Variants in CYP4F22 observed in about 807,000 individuals in gnomAD.
CYP4F22 encodes the protein ultra-long-chain fatty acid omega-hydroxylase.
A neutral mutation model predicts 60.4 loss-of-function variants in CYP4F22; 37 were observed. The ratio of observed to expected loss-of-function variants is 0.61; its 90% CI spans 0.47 to 0.81. The LOEUF (loss-of-function observed/expected upper bound fraction) is 0.81, where lower values mean the gene tolerates loss of function less well. CYP4F22 is among the 30% of genes least tolerant of loss of function. The pLI, the probability that CYP4F22 is intolerant of heterozygous loss-of-function variation, is 0.00. For synonymous variants in CYP4F22, 258 were observed against 280.5 expected, an observed-to-expected ratio of 0.92 and a Z score of 0.80; for missense variants, 655 against 715.0, an observed-to-expected ratio of 0.92 and a Z score of 0.96.
rs1971607233 is a variant in CYP4F22, at chr19:15,552,175, C to G, written c.*704C>G. 6.6e-6 allele frequency: 1 copy of G among 152,232 alleles called. No individual in the cohort carries two copies. The highest frequency in any genetic ancestry group is 1.5e-5 in the Non-Finnish European group (1 of 68,082). The allele number at this position is 152,232 out of a possible 1,614,324, so 9.4% of individuals were successfully genotyped here. A position where few individuals can be genotyped will look rare whatever the true frequency, so the allele number is the denominator to read the frequency against. ...AAAAGCAAAGGATGCAGACTTACCC[C>G]ACCCTCCACCCCTAGCTCAGCCAGA... On this transcript the variant is annotated 3_prime_UTR_variant, in exon 14 of 14. Coordinates refer to ENST00000269703, the MANE Select transcript of CYP4F22 (RefSeq NM_173483.4).
chr19:15,541,878 A>AAG, intron 8 of CYP4F22, among the ~76,000 whole-genome samples: 1 of 150,572 alleles, frequency 6.6e-6, no homozygotes, highest in African/African-American at 2.4e-5. Context: ...AAAAAAAAAA[A>AAG]AAAAAGAAAA....
chr19:15,551,444 G>A lies in CYP4F22; in HGVS notation c.1569G>A (p.Lys523=). ...GCACGGAGAACGGGCTCTGGCTCAA[G>A]GTGGAGCCGCTGCCTCCGCGGGCCT... is the stretch of plus-strand genomic sequence containing the variant. ...ILRTENGLWL[K]VEPLPPRA The change falls in exon 14 of 14, where the codon AAG becomes AAA. Residue 523 remains lysine, a synonymous_variant. Coordinates refer to ENST00000269703, the MANE Select transcript of CYP4F22 (RefSeq NM_173483.4). The A allele has an allele frequency of 6.4e-7, 1 of 1,574,578 alleles. No homozygotes were observed. Among genetic ancestry groups the A allele is most frequent in the Non-Finnish European group, 8.6e-7 (1 of 1,160,602 alleles).
intron 4 of CYP4F22, 27 bp downstream of exon 4, chr19:15,529,880 G>A (rs774129273): frequency 3.1e-6 from 5 of 1,613,316 alleles, no homozygotes; most frequent in Non-Finnish European, 4.2e-6. Context: ...TCCGATCTAT[G>A]GTTGAGTCCT....
chr19:15,537,674 G>C lies in CYP4F22; in HGVS notation c.549+12G>C, dbSNP rs1450862711. 1 of 1,610,990 alleles carries C rather than the reference G, an allele frequency of 6.2e-7. No homozygotes were observed. The highest frequency in any genetic ancestry group is 2.2e-5 in the East Asian group (1 of 44,878). On this transcript the variant is annotated intron_variant, in intron 6 of 13. Coordinates refer to ENST00000269703, the MANE Select transcript of CYP4F22 (RefSeq NM_173483.4). ...CTGACATTATGCATGTGAGTCCTAA[G>C]GCTTTGAGGGAAGAGGGTGTCTTGG...
chr19:15,541,534 G>A (rs531137124), intron 8 of CYP4F22, among the ~76,000 whole-genome samples: 37 of 152,174 alleles, frequency 2.4e-4, no homozygotes, highest in Admixed American at 1.8e-3. Context: ...GAATTCTAGC[G>A]GAGGGGGGGT....
intron 10 of CYP4F22, among the ~76,000 whole-genome samples, chr19:15,546,492 G>A (rs1971527782): frequency 6.6e-6 from 1 of 152,196 alleles, no homozygotes; most frequent in Admixed American, 6.5e-5. Flanking sequence ...GCTGAGGCGT[G>A]AGAATTGCTT....
intron 1 of CYP4F22, among the ~76,000 whole-genome samples, chr19:15,510,945 C>CATATATATATATATATATATAT (rs1183507990): frequency 2.7e-5 from 3 of 111,592 alleles, no homozygotes; most frequent in African/African-American, 7.2e-5. Context: ...ATAGGGATAC[C>CATATATATATATATATATATAT]ATATATATAT....
At chr19:15,509,950 C>CT (rs1971070352) in intron 1 of CYP4F22, among the ~76,000 whole-genome samples, 1 of 60,110 alleles carries the variant, frequency 1.7e-5, no homozygotes, top group African/African-American at 5.0e-5. Flanking sequence ...TCTTTCTTTT[C>CT]TCTGTCTCTC....
At position 15,529,869 on chromosome 19, in the gene CYP4F22, C is replaced by G; in HGVS notation, c.367+16C>G. On this transcript the variant is annotated intron_variant, in intron 4 of 13. Coordinates refer to ENST00000269703, the MANE Select transcript of CYP4F22 (RefSeq NM_173483.4). ...GGAGCCTCAGGTACGTGGGCTGGGC[C>G]TCCGATCTATGGTTGAGTCCTCAAC... is the stretch of plus-strand genomic sequence containing the variant. 6.2e-7 allele frequency: 1 copy of G among 1,613,678 alleles called. No homozygotes were observed. The highest frequency in any genetic ancestry group is 8.5e-7 in the Non-Finnish European group (1 of 1,180,018).
intron 1 of CYP4F22, among the ~76,000 whole-genome samples, chr19:15,511,484 A>C (rs1039773410): frequency 1.3e-5 from 2 of 151,934 alleles, no homozygotes; most frequent in Admixed American, 1.3e-4. Context: ...AAACAACAAC[A>C]ACAACAAAAC....
intron 4 of CYP4F22, 129 bp from the exon 5 acceptor site, chr19:15,537,232 C>T (rs557955592): frequency 2.6e-5 from 31 of 1,212,848 alleles, no homozygotes; most frequent in South Asian, 7.6e-5. Flanking sequence ...ACCTGGGAGG[C>T]GGAGGTTGCA....
At position 15,551,656 on chromosome 19, in the gene CYP4F22, C is replaced by A; in HGVS notation, c.*185C>A. ...CACGCCCCTCAAGGCAAGGCTCCTC[C>A]CCTTAGGGGGCCTGATCCCGCCCCT... On this transcript the variant is annotated 3_prime_UTR_variant, in exon 14 of 14. Coordinates refer to ENST00000269703, the MANE Select transcript of CYP4F22 (RefSeq NM_173483.4). 1 of 718,110 alleles carries A rather than the reference C, an allele frequency of 1.4e-6. No individual in the cohort carries two copies. The highest frequency in any genetic ancestry group is 2.2e-6 in the Non-Finnish European group (1 of 444,768). The allele number at this position is 718,110 out of a possible 1,614,324, so 44.5% of individuals were successfully genotyped here.
chr19:15,541,155 G>A (rs530106568), intron 8 of CYP4F22, among the ~76,000 whole-genome samples: 4 of 152,332 alleles, frequency 2.6e-5, no homozygotes, highest in Admixed American at 1.3e-4. Context: ...GTCAGAACAT[G>A]TAAGACTTAC....
Position 15,518,484 on chromosome 19 carries a change from C to CAAA in CYP4F22, c.-108-5196_-108-5194dup, listed in dbSNP as rs56987005. Among the ~76,000 whole-genome samples the CAAA allele has an allele frequency of 4.0e-3, 536 of 134,104 alleles. 5 individuals are homozygous for CAAA. The highest frequency in any genetic ancestry group is 9.8e-3 in the Admixed American group (131 of 13,310). The allele number at this position is 134,104 out of a possible 152,430, so 88.0% of individuals were successfully genotyped here. Reference sequence around the variant, plus strand: ...TGAAACCCCATCTCTACCAAAAATACAAAAAAAAAAAAAAATTACCTGGGC... The same window carrying CAAA: ...TGAAACCCCATCTCTACCAAAAATACAAAAAAAAAAAAAAAAAATTACCTGGGC... On this transcript the variant is annotated intron_variant, in intron 1 of 13. Coordinates refer to ENST00000269703, the MANE Select transcript of CYP4F22 (RefSeq NM_173483.4).
chr19:15,537,253 A>G (rs1971405363), intron 4 of CYP4F22, 108 bp from the exon 5 acceptor site: 3 of 1,421,090 alleles, frequency 2.1e-6, no homozygotes, highest in Non-Finnish European at 3.0e-6. Context: ...GTGAGTGGAG[A>G]TCGCACCACT....
intron 7 of CYP4F22, among the ~76,000 whole-genome samples, chr19:15,539,465 C>T (rs566059573): frequency 5.8e-4 from 89 of 152,318 alleles, no homozygotes; most frequent in African/African-American, 1.7e-3. Flanking sequence ...TTCCACTTTT[C>T]GACCTTTATG....
At chr19:15,513,361 A>ATAT (rs1343666419) in intron 1 of CYP4F22, among the ~76,000 whole-genome samples, 2 of 121,284 alleles carry the variant, frequency 1.6e-5, no homozygotes, top group African/African-American at 3.4e-5. Context: ...ATATATATAT[A>ATAT]TTTTTTTTTT....
intron 2 of CYP4F22, among the ~76,000 whole-genome samples, chr19:15,524,743 G>A (rs1029463709): frequency 9.9e-5 from 15 of 152,122 alleles, no homozygotes; most frequent in Admixed American, 2.0e-4. Context: ...GATGGAGGTG[G>A]TAGTTGCATT....
At position 15,549,187 on chromosome 19, in the gene CYP4F22, G is replaced by T. The variant is rs1971566709; in HGVS notation, c.1320G>T (p.Val440=). Reference sequence around the variant, plus strand: ...ATGGAACCCACCACAACCCCACAGTGTGGCCTGACTCCAAGGTGAGTGCCT... The same window carrying T: ...ATGGAACCCACCACAACCCCACAGTTTGGCCTGACTCCAAGGTGAGTGCCT... ...SIYGTHHNPT[V]WPDSKVYNPY... is the part of the protein sequence containing the mutation. The change falls in exon 12 of 14, where the codon GTG becomes GTT. Residue 440 remains valine (V), a synonymous_variant. Coordinates refer to ENST00000269703, the MANE Select transcript of CYP4F22 (RefSeq NM_173483.4). 1 of 1,613,910 alleles carries T rather than the reference G, an allele frequency of 6.2e-7. No homozygotes were observed. Among genetic ancestry groups the T allele is most frequent in the Non-Finnish European group, 8.5e-7 (1 of 1,180,012 alleles).
Sources: gnomAD v4.1 joint callset for allele counts (sites outside exome capture counted in the v4.1 genomes callset) on GRCh38, gnomAD v4.1.1 for gene constraint, MANE v1.5 for transcripts, NCBI Gene and HGNC (gene_info 2026-07-23, HGNC 2026-07-21) for gene names.